Variants in DPP6 observed in about 807,000 individuals in gnomAD.
The protein encoded by DPP6 is A-type potassium channel modulatory protein DPP6.
DPP6 carries 69 observed loss-of-function variants against 122.6 expected under a neutral mutation model. The ratio of observed to expected loss-of-function variants is 0.56; its 90% CI spans 0.46 to 0.69. DPP6 has a LOEUF of 0.69. Ranked by LOEUF, DPP6 falls within the 30% of genes least tolerant of loss-of-function variation. The probability of loss-of-function intolerance (pLI) is 0.00; values close to 1 mark genes in which losing one functional copy is unlikely to be tolerated. For synonymous variants in DPP6, 418 were observed against 433.1 expected (o/e 0.97, Z 0.43); for missense variants, 928 against 1,116.9 (o/e 0.83, Z 2.41).
At chr7:154,460,095 C>T (rs528946354) in intron 2 of DPP6, among the ~76,000 whole-genome samples, 1 of 150,064 alleles carries the variant, frequency 6.7e-6, no homozygotes, top group African/African-American at 2.4e-5. Context: ...GATTCTCCTG[C>T]CTCAGCCTCC....
chr7:154,254,349 A>G (rs1197093394), intron 1 of DPP6, among the ~76,000 whole-genome samples: 3 of 152,154 alleles, frequency 2.0e-5, no homozygotes, highest in Non-Finnish European at 4.4e-5. Flanking sequence ...ATTTCACTGT[A>G]ATAATATGCA....
chr7:154,875,851 A>G lies in DPP6; in HGVS notation c.1884-55A>G. 1.3e-6 allele frequency: 2 copies of G among 1,560,504 alleles called. No individual in the cohort carries two copies. Among genetic ancestry groups the G allele is most frequent in the Non-Finnish European group, 1.7e-6 (2 of 1,154,554 alleles). On this transcript the variant is annotated intron_variant, in intron 19 of 25. Coordinates refer to ENST00000377770, the MANE Select transcript of DPP6 (RefSeq NM_130797.4). The surrounding 1 kb of genome is among the most constrained non-coding windows in gnomAD (Gnocchi z 4.5). ...GGTCATCTGACGTGGCAGCTGCTAGACCAGCCGCCACCCACCACGCAGCAG... is the reference window on the plus strand; with the variant it reads ...GGTCATCTGACGTGGCAGCTGCTAGGCCAGCCGCCACCCACCACGCAGCAG...
chr7:154,558,151 A>T (rs10271201), intron 4 of DPP6, among the ~76,000 whole-genome samples: 1 of 150,392 alleles, frequency 6.6e-6, no homozygotes, highest in East Asian at 2.0e-4. Flanking sequence ...CCCTGTGTCC[A>T]TGTGTTCTCA....
At chr7:153,821,458 G>C in the DPP6 span, among the ~76,000 whole-genome samples, 1 of 113,200 alleles carries the variant, frequency 8.8e-6, no homozygotes, top group East Asian at 2.3e-4. Context: ...ATAATGAGTT[G>C]TATTAATGTC....
chr7:153,764,414 C>T, the DPP6 span, among the ~76,000 whole-genome samples: 9 of 151,924 alleles, frequency 5.9e-5, no homozygotes, highest in Non-Finnish European at 1.3e-4. Context: ...GCCGGTCCTC[C>T]CTGGCATGTT....
At position 153,918,466 on chromosome 7, in the gene DPP6, A is replaced by ACACACACACACT. The variant is rs1379555083; in HGVS notation, c.51+30733_51+30734insACACACACACTC. 1.7e-4 allele frequency among the ~76,000 whole-genome samples: 16 copies of ACACACACACACT among 96,002 alleles called. 1 individual carries two copies. The highest frequency in any genetic ancestry group is 5.8e-4 in the African/African-American group (15 of 25,958). 63.0% of individuals were successfully genotyped at this position (96,002 alleles called of 152,430 possible). ...CACACACACACACACACACACACACACTCTCTCTCTCTCTCTCTCTCTCTT... is the reference window on the plus strand; with the variant it reads ...CACACACACACACACACACACACACACACACACACACTCTCTCTCTCTCTCTCTCTCTCTCTT... On this transcript the variant is annotated intron_variant, in intron 1 of 25. Transcript: ENST00000404039.
chr7:154,137,650 T>TGGGGGGGGGGG (rs1419049474), intron 1 of DPP6, among the ~76,000 whole-genome samples: 3 of 10,060 alleles, frequency 3.0e-4, no homozygotes, highest in African/African-American at 3.7e-4. Flanking sequence ...GTGGGGGGGG[T>TGGGGGGGGGGG]GGGGGGGTGG....
At chr7:154,702,596 C>T (rs1840587257) in intron 7 of DPP6, among the ~76,000 whole-genome samples, 1 of 152,184 alleles carries the variant, frequency 6.6e-6, no homozygotes, top group Non-Finnish European at 1.5e-5. Flanking sequence ...AAAGCCTAAT[C>T]CAGAACAAGA....
In DPP6 at chr7:154,583,633, T is replaced by G. The variant is rs115465449; in HGVS notation, c.627+16717T>G. 2.0e-3 allele frequency among the ~76,000 whole-genome samples: 299 copies of G among 152,276 alleles called. 2 individuals are homozygous for G. The highest frequency in any genetic ancestry group is 7.0e-3 in the African/African-American group (290 of 41,548). Reference sequence around the variant, plus strand: ...CAGGAAGCCTGTTAGAAACACTGACTCGGGACCCAGCCCACACCCTGATCA... The same window carrying G: ...CAGGAAGCCTGTTAGAAACACTGACGCGGGACCCAGCCCACACCCTGATCA... On this transcript the variant is annotated intron_variant, in intron 5 of 25. Coordinates refer to ENST00000377770, the MANE Select transcript of DPP6 (RefSeq NM_130797.4).
intron 1 of DPP6, among the ~76,000 whole-genome samples, chr7:154,143,867 T>G (rs1795962672): frequency 1.3e-5 from 2 of 152,220 alleles, no homozygotes; most frequent in East Asian, 3.9e-4. Context: ...TTGTGCCGTT[T>G]TTTGTACATA....
chr7:154,170,825 A>AT (rs1370698773), intron 1 of DPP6, among the ~76,000 whole-genome samples: 2 of 151,972 alleles, frequency 1.3e-5, no homozygotes, highest in Non-Finnish European at 2.9e-5. Context: ...TAAGGTTGAT[A>AT]TTTTTTTCCC....
chr7:154,336,527 C>A (rs1809440087), intron 1 of DPP6, among the ~76,000 whole-genome samples: 1 of 152,194 alleles, frequency 6.6e-6, no homozygotes, highest in Admixed American at 6.5e-5. Context: ...TAGGACAGGG[C>A]TTCCTGGTAT....
intron 1 of DPP6, among the ~76,000 whole-genome samples, chr7:154,390,632 C>A (rs774732203): frequency 5.9e-5 from 9 of 152,224 alleles, no homozygotes; most frequent in Admixed American, 2.6e-4. Flanking sequence ...GAGCAAACGC[C>A]AGGCAGAGTG....
chr7:153,833,416 G>A, the DPP6 span, among the ~76,000 whole-genome samples: 26,342 of 152,272 alleles, frequency 0.17, 2,331 homozygotes, highest in Non-Finnish European at 0.2. Context: ...GCCCACACCT[G>A]TAATCCCAGC....
At chr7:154,098,115 G>C (rs1262846464) in intron 1 of DPP6, among the ~76,000 whole-genome samples, 3 of 152,182 alleles carry the variant, frequency 2.0e-5, no homozygotes, top group Admixed American at 1.3e-4. Context: ...GTTGGATTAT[G>C]TTGGAGGAGG....
intron 1 of DPP6, among the ~76,000 whole-genome samples, chr7:153,922,196 T>C (rs1800671571): frequency 6.6e-6 from 1 of 152,190 alleles, no homozygotes; most frequent in Admixed American, 6.5e-5. Context: ...TACTTTTCTT[T>C]GTTTAAAATA....
chr7:154,562,759 G>A (rs559223333), intron 4 of DPP6, among the ~76,000 whole-genome samples: 2 of 152,108 alleles, frequency 1.3e-5, no homozygotes, highest in South Asian at 4.2e-4. Context: ...AATAAGGTCA[G>A]GATACCCAAA....
Position 154,100,218 on chromosome 7 carries a change from A to AT in DPP6, c.243+47161dup, listed in dbSNP as rs1314740697. 2.8e-4 allele frequency among the ~76,000 whole-genome samples: 27 copies of AT among 96,116 alleles called. 7 individuals are homozygous for AT. Among genetic ancestry groups the AT allele is most frequent in the African/African-American group, 1.1e-3 (26 of 23,144 alleles). The allele number at this position is 96,116 out of a possible 152,430, so 63.1% of individuals were successfully genotyped here. A position where few individuals can be genotyped will look rare whatever the true frequency, so the allele number is the denominator to read the frequency against. ...GTTTTATTTTTTATTTATTTATTTT[A>AT]TTTTTTACCAGAACTGCTATTTTTA... On this transcript the variant is annotated intron_variant, in intron 1 of 25. Transcript: ENST00000377770.
intron 1 of DPP6, among the ~76,000 whole-genome samples, chr7:153,982,161 C>T (rs1208493424): frequency 6.6e-6 from 1 of 151,936 alleles, no homozygotes; most frequent in African/African-American, 2.4e-5. Flanking sequence ...TCCATTCTTC[C>T]TGTCACTTTC....
Sources: allele counts gnomAD v4.1 joint callset (sites outside exome capture counted in the v4.1 genomes callset), GRCh38; gene constraint gnomAD v4.1.1; non-coding constraint Gnocchi (gnomAD v3.1); transcripts MANE v1.5; gene names NCBI Gene and HGNC (gene_info 2026-07-23, HGNC 2026-07-21).